ABLIM3: variants seen among roughly 807,000 people sequenced by gnomAD.
The protein encoded by ABLIM3 is actin binding LIM protein family member 3.
ABLIM3 carries 61 observed loss-of-function variants against 109.5 expected under a neutral mutation model. The ratio of observed to expected loss-of-function variants is 0.56; its 90% CI spans 0.45 to 0.69. The LOEUF is 0.69. Ranked by LOEUF, ABLIM3 falls within the 30% of genes least tolerant of loss-of-function variation. ABLIM3 has a pLI of 0.00. For missense variants in ABLIM3, 796 were observed against 889.5 expected (o/e 0.89, Z 1.34); for synonymous variants, 300 against 324.8 (o/e 0.92, Z 0.82).
chr5:149,232,714 C>G (rs557071269), intron 9 of ABLIM3, among the ~76,000 whole-genome samples: 2 of 152,278 alleles, frequency 1.3e-5, no homozygotes, highest in African/African-American at 4.8e-5. Flanking sequence ...TCATGCTGCT[C>G]TGCTAAGGAA....
chr5:149,146,973 GT>G (rs1332350262), intron 2 of ABLIM3, among the ~76,000 whole-genome samples: 1 of 152,074 alleles, frequency 6.6e-6, no homozygotes, highest in Non-Finnish European at 1.5e-5. Flanking sequence ...ATTTGTTTGT[GT>G]CATCTCTGAT....
At chr5:149,197,273 AC>A (rs1758065495) in intron 3 of ABLIM3, among the ~76,000 whole-genome samples, 1 of 152,084 alleles carries the variant, frequency 6.6e-6, no homozygotes, top group Non-Finnish European at 1.5e-5. Flanking sequence ...TAGCCTTTAC[AC>A]AAATATCACT....
chr5:149,145,770 T>A (rs1017246355), intron 2 of ABLIM3, among the ~76,000 whole-genome samples: 12 of 150,560 alleles, frequency 8.0e-5, no homozygotes, highest in African/African-American at 2.9e-4. Flanking sequence ...TATTTTTTCA[T>A]ATTTATTCGC....
intron 7 of ABLIM3, among the ~76,000 whole-genome samples, chr5:149,213,116 C>T (rs1280581599): frequency 6.6e-6 from 1 of 151,922 alleles, no homozygotes; most frequent in African/African-American, 2.4e-5. Flanking sequence ...CTGTCCGAGG[C>T]AAGAAAAATG....
chr5:149,212,950 C>T (rs1357145306), intron 7 of ABLIM3, among the ~76,000 whole-genome samples: 1 of 151,980 alleles, frequency 6.6e-6, no homozygotes, highest in African/African-American at 2.4e-5. Context: ...CACAGTGAGA[C>T]TTCATCTCTA....
At chr5:149,239,668 A>T (rs1752594058) in intron 12 of ABLIM3, 91 bp from the exon 13 acceptor site, 1 of 1,490,496 alleles carries the variant, frequency 6.7e-7, no homozygotes, top group Non-Finnish European at 8.9e-7. Flanking sequence ...AGAATCCCAG[A>T]TTCCATGTCA....
At chr5:149,245,072 G>A (rs915205681) in intron 16 of ABLIM3, 57 bp downstream of exon 16, 3 of 1,609,044 alleles carry the variant, frequency 1.9e-6, no homozygotes. Flanking sequence ...CAAGGACACG[G>A]GTGTTCAGAA....
chr5:149,170,338 C>T (rs1561548899), intron 2 of ABLIM3, among the ~76,000 whole-genome samples: 1 of 151,844 alleles, frequency 6.6e-6, no homozygotes. Context: ...GGCAAAGGAG[C>T]CCCAGACTAC....
chr5:149,245,163 A>G, intron 16 of ABLIM3, 148 bp downstream of exon 16: 2 of 1,140,098 alleles, frequency 1.8e-6, no homozygotes, highest in Non-Finnish European at 1.2e-6. Flanking sequence ...TTCATTCAAC[A>G]AATATGTACT....
At chr5:149,242,920 C>A (rs957967247) in intron 15 of ABLIM3, among the ~76,000 whole-genome samples, 10 of 152,180 alleles carry the variant, frequency 6.6e-5, no homozygotes, top group African/African-American at 2.2e-4. Flanking sequence ...CTGGGCCCCA[C>A]CCCAGGCTTA....
intron 2 of ABLIM3, among the ~76,000 whole-genome samples, chr5:149,159,494 A>G (rs923192624): frequency 1.3e-5 from 2 of 152,232 alleles, no homozygotes; most frequent in Admixed American, 6.5e-5. Context: ...TAAAATCTAT[A>G]TGTTTCATTA....
chr5:149,237,094 A>T (rs1430426161), intron 10 of ABLIM3, among the ~76,000 whole-genome samples: 1 of 152,226 alleles, frequency 6.6e-6, no homozygotes, highest in Non-Finnish European at 1.5e-5. Context: ...CAAATCTATT[A>T]GCTTAGTGGT....
chr5:149,243,074 G>T lies in ABLIM3; in HGVS notation c.1351+536G>T, dbSNP rs563209748. On this transcript the variant is annotated intron_variant, in intron 15 of 23. Coordinates refer to ENST00000309868, the MANE Select transcript of ABLIM3 (RefSeq NM_014945.5). Reference sequence around the variant, plus strand: ...TTGCAGAGGAGATGTAGATGAGTAAGGTTGCAGAGGGTGACTTCCTTCTTT... The same window carrying T: ...TTGCAGAGGAGATGTAGATGAGTAATGTTGCAGAGGGTGACTTCCTTCTTT... Among the ~76,000 whole-genome samples the T allele has an allele frequency of 9.8e-5, 15 of 152,306 alleles. No individual in the cohort carries two copies. In the South Asian group the frequency reaches 2.9e-3, roughly 29 times the overall value.
rs894459584 is a variant in ABLIM3 at position 149,222,939 on chromosome 5, C to T, written c.757+5893C>T. On this transcript the variant is annotated intron_variant, in intron 8 of 23. Transcript: ENST00000309868. ...ACTTTAAATTGGATCTCTCTACTGA[C>T]AGCTTAGGTTGTAGGAGTTATGCTT... is the stretch of plus-strand genomic sequence containing the variant. Among the ~76,000 whole-genome samples, 10 of 152,290 alleles carry T rather than the reference C, an allele frequency of 6.6e-5. No homozygotes were observed. In the South Asian group the frequency reaches 2.1e-3, roughly 32 times the overall value.
chr5:149,165,694 A>C (rs896050890), intron 2 of ABLIM3, among the ~76,000 whole-genome samples: 3 of 152,112 alleles, frequency 2.0e-5, no homozygotes, highest in Non-Finnish European at 4.4e-5. Context: ...ACCTCCTGGA[A>C]AGACCTTTCT....
Position 149,142,049 on chromosome 5 carries a change from G to A in ABLIM3, c.-47G>A. On this transcript the variant is annotated 5_prime_UTR_variant, in exon 2 of 24. Coordinates refer to ENST00000309868, the MANE Select transcript of ABLIM3 (RefSeq NM_014945.5). Reference sequence around the variant, plus strand: ...CGAAGAACGGAAGATTTAAAAAGCAGCCGGGGCCTCCGTATTGAATGAAAG... The same window carrying A: ...CGAAGAACGGAAGATTTAAAAAGCAACCGGGGCCTCCGTATTGAATGAAAG... 6.2e-7 allele frequency: 1 copy of A among 1,614,050 alleles called. No homozygotes were observed. The highest frequency in any genetic ancestry group is 1.3e-5 in the African/African-American group (1 of 75,008).
Position 149,239,267 on chromosome 5 carries a change from C to T in ABLIM3, c.1064C>T (p.Pro355Leu). The T allele has an allele frequency of 1.2e-6, 2 of 1,614,068 alleles. No individual in the cohort carries two copies. Among genetic ancestry groups the T allele is most frequent in the Non-Finnish European group, 1.7e-6 (2 of 1,179,940 alleles). Residue 355 changes from proline to leucine, a missense_variant, in exon 12 of 24, where the codon CCC becomes CTC. Transcript: ENST00000309868. Reference sequence around the variant, plus strand: ...TCTAAGTCGCTGGGAACATTATCTCCCTACTCCCAGGTAATTCAGCTGATA... The same window carrying T: ...TCTAAGTCGCTGGGAACATTATCTCTCTACTCCCAGGTAATTCAGCTGATA... ...GYGESLGTLS[P>L]YSQDIYENLD...
In ABLIM3 at chr5:149,240,666, C is replaced by A. The variant is rs373343120; in HGVS notation, c.1205-10C>A. ...TGTTTTCTTTGGCGACCACTTCCTG[C>A]GTGCTCCAGGGCCCGAGAGTGGCCG... On this transcript the variant is annotated splice_polypyrimidine_tract_variant and intron_variant, in intron 13 of 23. Coordinates refer to ENST00000309868, the MANE Select transcript of ABLIM3 (RefSeq NM_014945.5). 4.3e-6 allele frequency: 7 copies of A among 1,610,094 alleles called. No individual in the cohort carries two copies. The highest frequency in any genetic ancestry group is 2.2e-5 in the South Asian group (2 of 91,016).
chr5:149,172,324 T>A (rs1396887269), intron 2 of ABLIM3, among the ~76,000 whole-genome samples: 1 of 152,234 alleles, frequency 6.6e-6, no homozygotes, highest in East Asian at 1.9e-4. Flanking sequence ...ACTATGAAAC[T>A]TTTGTTTCAC....
Sources: gnomAD v4.1 joint callset for allele counts (sites outside exome capture counted in the v4.1 genomes callset) on GRCh38, gnomAD v4.1.1 for gene constraint, MANE v1.5 for transcripts, NCBI Gene and HGNC (gene_info 2026-07-23, HGNC 2026-07-21) for gene names.